Variants in KHDRBS3 observed in about 807,000 individuals in gnomAD.
KHDRBS3 encodes the protein KH domain-containing, RNA-binding, signal transduction-associated protein 3.
A neutral mutation model predicts 45.6 loss-of-function variants in KHDRBS3; 23 were observed. The observed-to-expected ratio is 0.50, with a 90% CI of 0.36 to 0.72. The LOEUF (loss-of-function observed/expected upper bound fraction) is 0.72. Ranked by LOEUF, KHDRBS3 falls within the 30% of genes least tolerant of loss-of-function variation. KHDRBS3 has a pLI of 0.00. For synonymous variants in KHDRBS3, 162 were observed against 156.5 expected (o/e 1.04, Z -0.26); for missense variants, 352 against 424.8 (o/e 0.83, Z 1.51).
intron 7 of KHDRBS3, among the ~76,000 whole-genome samples, chr8:135,636,914 A>T (rs1830838241): frequency 6.6e-6 from 1 of 152,232 alleles, no homozygotes; most frequent in South Asian, 2.1e-4. Flanking sequence ...AAACAAGACG[A>T]GAATGAAGTT....
chr8:135,529,693 A>G (rs1825369763), intron 2 of KHDRBS3, among the ~76,000 whole-genome samples: 1 of 152,162 alleles, frequency 6.6e-6, no homozygotes, highest in Admixed American at 6.5e-5. Flanking sequence ...GGCCTCCTAA[A>G]ATTTTTATTA....
intron 4 of KHDRBS3, among the ~76,000 whole-genome samples, chr8:135,653,319 G>C (rs1182584970): frequency 6.6e-6 from 1 of 152,138 alleles, no homozygotes; most frequent in Non-Finnish European, 1.5e-5. Flanking sequence ...AGACATAGTG[G>C]GAACTGACAG....
downstream of KHDRBS3, chr8:135,647,661 G>T (rs980867803): frequency 4.6e-5 from 7 of 152,276 alleles, no homozygotes; most frequent in African/African-American, 1.7e-4. Context: ...ATTTAAAAAG[G>T]CCTTCATAAA....
intron 7 of KHDRBS3, among the ~76,000 whole-genome samples, chr8:135,609,231 G>A (rs984213077): frequency 5.3e-5 from 8 of 150,848 alleles, no homozygotes; most frequent in Non-Finnish European, 1.0e-4. Flanking sequence ...CAAATACATT[G>A]TACAGCTGTA....
intron 6 of KHDRBS3, among the ~76,000 whole-genome samples, chr8:135,605,389 T>C (rs908023162): frequency 2.6e-4 from 40 of 152,286 alleles, no homozygotes; most frequent in South Asian, 1.2e-3. Context: ...CTGAGTTTTT[T>C]CTTCATCCTA....
At position 135,457,601 on chromosome 8, in the gene KHDRBS3, C is replaced by T. The variant is rs1458642764; in HGVS notation, c.-266C>T. 6.8e-6 allele frequency: 1 copy of T among 147,020 alleles called. No homozygotes were observed. Among genetic ancestry groups the T allele is most frequent in the Non-Finnish European group, 1.5e-5 (1 of 66,048 alleles). 9.1% of individuals were successfully genotyped at this position (147,020 alleles called of 1,614,324 possible). On this transcript the variant is annotated 5_prime_UTR_variant, in exon 1 of 9. Transcript: ENST00000355849. This position sits in a 1 kb window ranked among gnomAD's most constrained non-coding sequence, Gnocchi z 4.4. ...CCGAGGGCCCGCCTAACCGCGCCGC[C>T]CGCGCCCGCTCCTCCTCGGCCCGCG...
intron 2 of KHDRBS3, among the ~76,000 whole-genome samples, chr8:135,527,026 A>G (rs1825225094): frequency 6.6e-6 from 1 of 152,000 alleles, no homozygotes; most frequent in Non-Finnish European, 1.5e-5. Flanking sequence ...ACATTGGAAC[A>G]AGGTACCCTG....
chr8:135,501,411 T>G (rs1823729903), intron 1 of KHDRBS3, among the ~76,000 whole-genome samples: 1 of 152,228 alleles, frequency 6.6e-6, no homozygotes, highest in Non-Finnish European at 1.5e-5. Context: ...TTTTAGCGTA[T>G]TGTTTCTATG....
chr8:135,625,292 C>T (rs1473477552), intron 7 of KHDRBS3: 38 of 1,285,840 alleles, frequency 3.0e-5, no homozygotes, highest in Non-Finnish European at 4.2e-5. Flanking sequence ...GGGTCATTTT[C>T]CCCCTTGTTC....
chr8:135,593,448 A>G (rs1828836877), intron 6 of KHDRBS3: 1 of 152,254 alleles, frequency 6.6e-6, no homozygotes, highest in Middle Eastern at 3.4e-3. Flanking sequence ...TGTTAGTGGT[A>G]GGTAGGAGCT....
At chr8:135,582,099 C>G (rs1264367086) in intron 6 of KHDRBS3, 26 bp downstream of exon 6, 3 of 1,497,334 alleles carry the variant, frequency 2.0e-6, no homozygotes, top group Non-Finnish European at 2.7e-6. Context: ...AGACAACAGC[C>G]TTGTTCATCA....
At chr8:135,547,491 C>T (rs1205589267) in intron 3 of KHDRBS3, among the ~76,000 whole-genome samples, 1 of 152,160 alleles carries the variant, frequency 6.6e-6, no homozygotes, top group African/African-American at 2.4e-5. Flanking sequence ...ACTCACATGG[C>T]TAGTGACTGG....
At chr8:135,568,696 A>G (rs1236334928) in intron 5 of KHDRBS3, among the ~76,000 whole-genome samples, 1 of 152,256 alleles carries the variant, frequency 6.6e-6, no homozygotes, top group Non-Finnish European at 1.5e-5. Context: ...AACTAGTGAA[A>G]GTAATAAACA....
chr8:135,496,565 GA>G (rs5895313), intron 1 of KHDRBS3, among the ~76,000 whole-genome samples: 83,225 of 149,688 alleles, frequency 0.56, 23,999 homozygotes, highest in East Asian at 0.78. Context: ...ATAGGGGTTT[GA>G]AAAAAAAAAA....
chr8:135,612,857 TCA>T (rs758820352), intron 7 of KHDRBS3, among the ~76,000 whole-genome samples: 2 of 151,806 alleles, frequency 1.3e-5, no homozygotes, highest in African/African-American at 2.4e-5. Context: ...AGTGTAAAAC[TCA>T]CACCACATTC....
In KHDRBS3 at chr8:135,636,357, A is replaced by T. The variant is rs192374089; in HGVS notation, c.891-8702A>T. 3.2e-4 allele frequency among the ~76,000 whole-genome samples: 48 copies of T among 152,348 alleles called. No homozygotes were observed. The East Asian group carries it at 5.0e-3, about 16-fold the overall frequency. On this transcript the variant is annotated intron_variant, in intron 7 of 8. Transcript: ENST00000355849. ...TTCATCAAGGACATTGTTAAGTGAA[A>T]ATTCCTTAAAGAAAAGAAAAAGAAT...
chr8:135,612,702 C>T (rs1829754718), intron 7 of KHDRBS3, among the ~76,000 whole-genome samples: 1 of 151,752 alleles, frequency 6.6e-6, no homozygotes, highest in Non-Finnish European at 1.5e-5. Context: ...GAGTACAAAG[C>T]TGTTCTGCAG....
chr8:135,529,697 T>C (rs956186000), intron 2 of KHDRBS3, among the ~76,000 whole-genome samples: 1 of 152,152 alleles, frequency 6.6e-6, no homozygotes, highest in Admixed American at 6.5e-5. Flanking sequence ...TCCTAAAATT[T>C]TTATTACATT....
At chr8:135,592,096 C>T (rs1219022698) in intron 6 of KHDRBS3, among the ~76,000 whole-genome samples, 2 of 152,080 alleles carry the variant, frequency 1.3e-5, no homozygotes, top group African/African-American at 2.4e-5. Context: ...AGGGTAAGAG[C>T]AGTAGGCAAT....
Sources: gnomAD v4.1 joint callset for allele counts (sites outside exome capture counted in the v4.1 genomes callset) on GRCh38, gnomAD v4.1.1 for gene constraint, Gnocchi (gnomAD v3.1) non-coding constraint, MANE v1.5 for transcripts, NCBI Gene and HGNC (gene_info 2026-07-23, HGNC 2026-07-21) for gene names.